Variants in CAMK2G observed in about 807,000 individuals in gnomAD.
CAMK2G encodes the protein calcium/calmodulin dependent protein kinase II gamma, also known as calcium/calmodulin-dependent protein kinase type II subunit gamma.
In CAMK2G, 23 loss-of-function variants were observed where a neutral mutation model predicts 88.7. The ratio of observed to expected loss-of-function variants is 0.26; its 90% CI spans 0.19 to 0.37. CAMK2G has a LOEUF of 0.37. Among genes scored for constraint, CAMK2G ranks in the 10% least tolerant of loss-of-function variants. The pLI is 1.00. For synonymous variants in CAMK2G, 263 were observed against 294.8 expected (o/e 0.89, Z 1.11); for missense variants, 476 against 780.8 (o/e 0.61, Z 4.65).
In CAMK2G at chr10:73,821,999, C is replaced by T. The variant is rs200125009; in HGVS notation, c.1201-269G>A. On this transcript the variant is annotated intron_variant, in intron 17 of 22. Coordinates refer to ENST00000423381, the MANE Select transcript of CAMK2G (RefSeq NM_001367534.1). Reference sequence around the variant, plus strand: ...TTCTCTTTTTCCCTTATATTCAGATCGCCCAATCTAAAATAAAATCTTCTG... The same window carrying T: ...TTCTCTTTTTCCCTTATATTCAGATTGCCCAATCTAAAATAAAATCTTCTG... Among the ~76,000 whole-genome samples, 6 of 152,260 alleles carry T rather than the reference C, an allele frequency of 3.9e-5. No individual in the cohort carries two copies. The East Asian group carries it at 7.7e-4, about 20-fold the overall frequency.
At chr10:73,844,856 C>A (rs1344526662) in intron 10 of CAMK2G, among the ~76,000 whole-genome samples, 2 of 152,146 alleles carry the variant, frequency 1.3e-5, no homozygotes, top group Non-Finnish European at 2.9e-5. Context: ...AATGATGAAA[C>A]AATGGCATCT....
At chr10:73,847,916 C>A in intron 9 of CAMK2G, 72 bp downstream of exon 9, 1 of 902,550 alleles carries the variant, frequency 1.1e-6, no homozygotes, top group South Asian at 1.4e-5. Context: ...CAAGCCTGCT[C>A]CCTTGGACAG....
chr10:73,841,481 T>C (rs962681956), intron 12 of CAMK2G, among the ~76,000 whole-genome samples: 2 of 151,786 alleles, frequency 1.3e-5, no homozygotes, highest in Non-Finnish European at 2.9e-5. Flanking sequence ...ATAATAGGGG[T>C]TGGGGTGAGG....
At chr10:73,847,121 G>A in intron 10 of CAMK2G, 104 bp downstream of exon 10, 1 of 1,221,558 alleles carries the variant, frequency 8.2e-7, no homozygotes, top group Non-Finnish European at 1.2e-6. Flanking sequence ...GTTATTGCTT[G>A]GGGCCCAGAA....
intron 14 of CAMK2G, among the ~76,000 whole-genome samples, chr10:73,832,910 G>A (rs1475692396): frequency 6.6e-6 from 1 of 150,772 alleles, no homozygotes; most frequent in African/African-American, 2.4e-5. Context: ...ACGCACCACT[G>A]TGTCTGGCTC....
chr10:73,825,549 G>A (rs2242254), intron 15 of CAMK2G, among the ~76,000 whole-genome samples: 19,932 of 152,106 alleles, frequency 0.13, 1,387 homozygotes, highest in East Asian at 0.21. Context: ...AGCTCTGGGG[G>A]CACCCTCAAG....
At chr10:73,851,327 C>T (rs938097602) in intron 5 of CAMK2G, among the ~76,000 whole-genome samples, 1 of 152,154 alleles carries the variant, frequency 6.6e-6, no homozygotes, top group South Asian at 2.1e-4. Context: ...GCAGGCTGAA[C>T]AGGCGCCTGA....
chr10:73,841,745 TA>T, intron 12 of CAMK2G: 1 of 174,088 alleles, frequency 5.7e-6, no homozygotes, highest in Non-Finnish European at 1.2e-5. Flanking sequence ...CAAAATGAAG[TA>T]AGAGATCGTC....
At chr10:73,851,017 G>A (rs997976211) in intron 5 of CAMK2G, among the ~76,000 whole-genome samples, 3 of 151,348 alleles carry the variant, frequency 2.0e-5, no homozygotes, top group Admixed American at 6.6e-5. Context: ...CCTCCTCCCC[G>A]CAGGCTCCCT....
intron 17 of CAMK2G, among the ~76,000 whole-genome samples, chr10:73,823,736 C>T (rs894780251): frequency 2.0e-5 from 3 of 152,154 alleles, no homozygotes; most frequent in East Asian, 1.9e-4. Context: ...TTTCAGTGAA[C>T]GTTTACTCTC....
intron 14 of CAMK2G, among the ~76,000 whole-genome samples, chr10:73,829,735 A>G (rs56756262): frequency 0.18 from 25,847 of 143,376 alleles, 2,407 homozygotes; most frequent in South Asian, 0.23. Flanking sequence ...GTGTGTGTGT[A>G]TATCTCCTTA....
intron 2 of CAMK2G, among the ~76,000 whole-genome samples, chr10:73,862,851 C>G (rs1378509271): frequency 6.6e-6 from 1 of 152,190 alleles, no homozygotes; most frequent in Non-Finnish European, 1.5e-5. Flanking sequence ...CTGCCTCTAC[C>G]CTAAACAGCA....
At chr10:73,843,552 C>A (rs952607779) in intron 10 of CAMK2G, among the ~76,000 whole-genome samples, 20 of 152,030 alleles carry the variant, frequency 1.3e-4, no homozygotes, top group Admixed American at 1.3e-3. Context: ...GAGGGTAGGG[C>A]CTGCAAAAAT....
chr10:73,820,490 A>ATTTTTTTT (rs1458257825), intron 18 of CAMK2G, among the ~76,000 whole-genome samples: 6 of 53,162 alleles, frequency 1.1e-4, no homozygotes, highest in African/African-American at 6.3e-4. Context: ...ATATATATAT[A>ATTTTTTTT]TATTTTTTTT....
At chr10:73,863,183 C>A (rs1387591474) in intron 2 of CAMK2G, among the ~76,000 whole-genome samples, 1 of 152,202 alleles carries the variant, frequency 6.6e-6, no homozygotes, top group Non-Finnish European at 1.5e-5. Context: ...TTCCTGCTGC[C>A]CAGCTAATCC....
chr10:73,816,864 A>T (rs1375932325), intron 21 of CAMK2G, 159 bp downstream of exon 21: 1 of 1,599,702 alleles, frequency 6.3e-7, no homozygotes, highest in Non-Finnish European at 8.5e-7. Flanking sequence ...GCCTGTCTAC[A>T]ACCATCGGGG....
intron 3 of CAMK2G, among the ~76,000 whole-genome samples, chr10:73,856,269 C>A (rs2095032096): frequency 6.6e-6 from 1 of 152,200 alleles, no homozygotes; most frequent in Admixed American, 6.5e-5. Flanking sequence ...TGCCCAAAAT[C>A]ACACTAAGTG....
At chr10:73,861,587 C>A (rs1381124340) in intron 2 of CAMK2G, among the ~76,000 whole-genome samples, 1 of 152,108 alleles carries the variant, frequency 6.6e-6, no homozygotes, top group African/African-American at 2.4e-5. Flanking sequence ...AACTCCTGAC[C>A]TCAGGTGATC....
intron 2 of CAMK2G, among the ~76,000 whole-genome samples, chr10:73,861,679 C>T (rs1157922048): frequency 6.6e-6 from 1 of 152,142 alleles, no homozygotes. Flanking sequence ...TTGTTAGGAA[C>T]ACTAATAATA....
Sources: allele counts gnomAD v4.1 joint callset (sites outside exome capture counted in the v4.1 genomes callset), GRCh38; gene constraint gnomAD v4.1.1; transcripts MANE v1.5; gene names NCBI Gene and HGNC (gene_info 2026-07-23, HGNC 2026-07-21).